Variants in PHYKPL observed in about 807,000 individuals in gnomAD.
The protein encoded by PHYKPL is 5-phosphonooxy-L-lysine phospho-lyase.
PHYKPL carries 42 observed loss-of-function variants against 51.3 expected under a neutral mutation model. The observed-to-expected ratio is 0.82, with a 90% CI of 0.64 to 1.06. The LOEUF (loss-of-function observed/expected upper bound fraction) is 1.06. Among genes scored for constraint, PHYKPL ranks in the 50% least tolerant of loss-of-function variants. The probability of loss-of-function intolerance (pLI) is 0.00; values close to 1 mark genes in which losing one functional copy is unlikely to be tolerated. For missense variants in PHYKPL, 655 were observed against 586.6 expected, an observed-to-expected ratio of 1.12 and a Z score of -1.20; for synonymous variants, 264 against 236.0, an observed-to-expected ratio of 1.12 and a Z score of -1.09.
intron 8 of PHYKPL, among the ~76,000 whole-genome samples, chr5:178,218,216 C>CAAAAAAAAAAAAA (rs777929826): frequency 5.1e-5 from 3 of 58,282 alleles, no homozygotes; most frequent in Non-Finnish European, 8.9e-5. Flanking sequence ...AACTCCGTCT[C>CAAAAAAAAAAAAA]AAAAAAAAAA....
At chr5:178,215,244 G>A (rs754268594) in intron 9 of PHYKPL, 32 bp downstream of exon 9, 1 of 1,613,650 alleles carries the variant, frequency 6.2e-7, no homozygotes, top group East Asian at 2.2e-5. Context: ...GCCTTGGCAG[G>A]TGGGTGGTGA....
At chr5:178,218,090 G>A (rs1391424427) in intron 8 of PHYKPL, among the ~76,000 whole-genome samples, 3 of 112,560 alleles carry the variant, frequency 2.7e-5, no homozygotes, top group South Asian at 3.0e-4. Context: ...GGTAGCGGGC[G>A]CCTGTAGTCC....
rs543320758 is a variant in PHYKPL, at chr5:178,230,163, C to A, written c.179-64G>T. 4.4e-6 allele frequency: 7 copies of A among 1,595,870 alleles called. No homozygotes were observed. The African/African-American group carries it at 6.7e-5, about 15-fold the overall frequency. On this transcript the variant is annotated intron_variant, in intron 2 of 12. Coordinates refer to ENST00000308158, the MANE Select transcript of PHYKPL (RefSeq NM_153373.4). ...TCAGCCAGTCCCACTGGGCCTCCCC[C>A]AGCCCCAAGCTATAAACCCAGCCAG...
chr5:178,224,312 T>G, intron 6 of PHYKPL, 136 bp downstream of exon 6: 1 of 967,186 alleles, frequency 1.0e-6, no homozygotes, highest in Non-Finnish European at 1.5e-6. Context: ...GAGCCCAAAC[T>G]GCCCCTATCC....
rs896317153 is a variant in PHYKPL at position 178,225,515 on chromosome 5, C to A, written c.339-86G>T. On this transcript the variant is annotated intron_variant, in intron 3 of 12. Coordinates refer to ENST00000308158, the MANE Select transcript of PHYKPL (RefSeq NM_153373.4). ...GCTGAGGGCAGGAGGACCCTTCCAG[C>A]AGCAAGAAGATTCTCAGGACATCAA... 6 of 1,320,366 alleles carry A rather than the reference C, an allele frequency of 4.5e-6. No individual in the cohort carries two copies. The African/African-American group carries it at 7.2e-5, about 16-fold the overall frequency. 81.8% of individuals were successfully genotyped at this position (1,320,366 alleles called of 1,614,324 possible).
chr5:178,224,427 G>T, intron 6 of PHYKPL, 21 bp downstream of exon 6: 3 of 1,547,028 alleles, frequency 1.9e-6, no homozygotes, highest in Non-Finnish European at 2.6e-6. Flanking sequence ...GGCTGGATTG[G>T]ACAGGCGCGG....
At chr5:178,214,028 T>C (rs1010090096) in intron 10 of PHYKPL, among the ~76,000 whole-genome samples, 21 of 150,618 alleles carry the variant, frequency 1.4e-4, no homozygotes, top group African/African-American at 5.1e-4. Flanking sequence ...GGGAGGGGGG[T>C]AGGAGTAAGC....
chr5:178,229,443 C>T (rs1051681017), intron 3 of PHYKPL, among the ~76,000 whole-genome samples: 6 of 152,172 alleles, frequency 3.9e-5, no homozygotes, highest in African/African-American at 1.4e-4. Context: ...AGCACCCTTC[C>T]TTCCTCCTCT....
chr5:178,220,735 A>C (rs1761012009), intron 8 of PHYKPL, among the ~76,000 whole-genome samples: 1 of 151,626 alleles, frequency 6.6e-6, no homozygotes, highest in Admixed American at 6.6e-5. Flanking sequence ...AAAAAAAAAA[A>C]AACAAAAAAA....
At chr5:178,214,305 C>T (rs562880141) in intron 10 of PHYKPL, among the ~76,000 whole-genome samples, 4 of 152,174 alleles carry the variant, frequency 2.6e-5, no homozygotes, top group East Asian at 1.9e-4. Flanking sequence ...GCATTGGGAC[C>T]GGTGGAGTCT....
chr5:178,222,804 T>C (rs758900779), intron 7 of PHYKPL, 48 bp downstream of exon 7: 2 of 1,597,902 alleles, frequency 1.3e-6, no homozygotes, highest in South Asian at 1.1e-5. Flanking sequence ...TTGGAAAACC[T>C]CATTAGACCC....
chr5:178,232,468 G>GCCGCCCGCCCC, intron 1 of PHYKPL, 24 bp downstream of exon 1: 13 of 1,179,436 alleles, frequency 1.1e-5, no homozygotes, highest in Non-Finnish European at 1.4e-5. Context: ...CGCGCCCCCC[G>GCCGCCCGCCCC]CCGCCCGCCC....
chr5:178,209,781 G>A (rs2113605869), intron 12 of PHYKPL, among the ~76,000 whole-genome samples: 1 of 152,272 alleles, frequency 6.6e-6, no homozygotes, highest in South Asian at 2.1e-4. Context: ...GGGCAGAGCT[G>A]TGCCAGGCAT....
intron 11 of PHYKPL, among the ~76,000 whole-genome samples, chr5:178,212,655 C>CAACT (rs1758819240): frequency 6.6e-6 from 1 of 152,234 alleles, no homozygotes; most frequent in Admixed American, 6.5e-5. Flanking sequence ...AATGGGGTCT[C>CAACT]AACTCCCACT....
chr5:178,232,793 T>G lies in PHYKPL; in HGVS notation c.-243A>C. On this transcript the variant is annotated 5_prime_UTR_variant, in exon 1 of 13. Transcript: ENST00000308158. The stretch of plus-strand genomic sequence containing the variant: ...CAGTCCCGCGCAGGAACTCGAGCGC[T>G]GCCCCGTCTCTGGTTCCGGGACGCG... 9.0e-6 allele frequency: 3 copies of G among 332,530 alleles called. No homozygotes were observed. The highest frequency in any genetic ancestry group is 1.0e-5 in the Non-Finnish European group (2 of 198,096). The allele number at this position is 332,530 out of a possible 1,614,324, so 20.6% of individuals were successfully genotyped here. A position where few individuals can be genotyped will look rare whatever the true frequency, so the allele number is the denominator to read the frequency against.
chr5:178,217,638 C>T (rs1760102509), intron 8 of PHYKPL, among the ~76,000 whole-genome samples: 1 of 151,002 alleles, frequency 6.6e-6, no homozygotes, highest in Admixed American at 6.6e-5. Context: ...GCGGGTGGAT[C>T]ATGAGGTCAG....
At chr5:178,224,289 CAG>C in intron 6 of PHYKPL, 157 bp downstream of exon 6, 4 of 800,188 alleles carry the variant, frequency 5.0e-6, no homozygotes, top group Admixed American at 3.0e-5. Context: ...GCCGTGCACT[CAG>C]ACTCTCTGCT....
intron 2 of PHYKPL, 146 bp downstream of exon 2, chr5:178,231,259 C>G (rs959285746): frequency 1.5e-6 from 2 of 1,357,814 alleles, no homozygotes; most frequent in African/African-American, 2.9e-5. Context: ...AGCTATATTG[C>G]GAAGGCTGAG....
chr5:178,231,893 A>G, intron 1 of PHYKPL: 1 of 1,312,846 alleles, frequency 7.6e-7, no homozygotes, highest in Non-Finnish European at 1.0e-6. Flanking sequence ...CAGGGCACCA[A>G]CATTAGGTGC....
Sources: allele counts gnomAD v4.1 joint callset (sites outside exome capture counted in the v4.1 genomes callset), GRCh38; gene constraint gnomAD v4.1.1; transcripts MANE v1.5; gene names NCBI Gene and HGNC (gene_info 2026-07-23, HGNC 2026-07-21).